C10orf90: variants seen among roughly 807,000 people sequenced by gnomAD.
The protein encoded by C10orf90 is chromosome 10 open reading frame 90.
C10orf90 carries 56 observed loss-of-function variants against 62.5 expected under a neutral mutation model. That is an observed-to-expected ratio of 0.90 (90% CI 0.72 to 1.12). C10orf90 has a LOEUF of 1.12. Ranked by LOEUF, C10orf90 falls within the 50% of genes most tolerant of loss-of-function variation. C10orf90 has a pLI of 0.00. For missense variants in C10orf90, 970 were observed against 880.4 expected, an observed-to-expected ratio of 1.10 and a Z score of -1.29; for synonymous variants, 386 against 340.4, an observed-to-expected ratio of 1.13 and a Z score of -1.47.
At chr10:126,584,026 G>A (rs1442526962) in intron 2 of C10orf90, among the ~76,000 whole-genome samples, 1 of 152,074 alleles carries the variant, frequency 6.6e-6, no homozygotes, top group East Asian at 1.9e-4. Flanking sequence ...AGGCTGAGGT[G>A]AGAAAATCAC....
At position 126,660,248 on chromosome 10, in the gene C10orf90, G is replaced by T. The variant is rs141537119; in HGVS notation, c.240+9993C>A. Among the ~76,000 whole-genome samples, 1,153 of 152,334 alleles carry T rather than the reference G, an allele frequency of 7.6e-3. 8 individuals carry two copies. The highest frequency in any genetic ancestry group is 0.014 in the Non-Finnish European group (925 of 68,034). On this transcript the variant is annotated intron_variant, in intron 1 of 9. Transcript: ENST00000488181. ...TTAAGTTACATTATATGGCAAAAGG[G>T]TTGGGTTTTACTGACATAATTAAGG...
intron 2 of C10orf90, among the ~76,000 whole-genome samples, chr10:126,596,238 G>C (rs900199828): frequency 2.0e-5 from 3 of 151,776 alleles, no homozygotes; most frequent in African/African-American, 7.3e-5. Context: ...TGGAGGTCAA[G>C]GCTACAGTGA....
chr10:126,615,078 G>C (rs995660844), intron 2 of C10orf90, among the ~76,000 whole-genome samples: 1 of 152,196 alleles, frequency 6.6e-6, no homozygotes, highest in East Asian at 1.9e-4. Context: ...AGCTCTCTTA[G>C]TGTTTTCTCA....
rs576155988 is a variant in C10orf90 at position 126,562,037 on chromosome 10, G to A, written c.314-48098C>T. Among the ~76,000 whole-genome samples, 6 of 152,282 alleles carry A rather than the reference G, an allele frequency of 3.9e-5. No individual in the cohort carries two copies. The South Asian group carries it at 1.0e-3, about 26-fold the overall frequency. ...CCTCAGCTGGAGAGTCCTGGGTGCC[G>A]CCCTCCCGCTGAAGTGCTGACAGCG... On this transcript the variant is annotated intron_variant, in intron 2 of 9. Transcript: ENST00000488181.
At position 126,609,260 on chromosome 10, in the gene C10orf90, A is replaced by C. The variant is rs189346550; in HGVS notation, c.313+37305T>G. Among the ~76,000 whole-genome samples, 554 of 152,268 alleles carry C rather than the reference A, an allele frequency of 3.6e-3. 2 individuals are homozygous for C. The highest frequency in any genetic ancestry group is 0.013 in the African/African-American group (533 of 41,546). On this transcript the variant is annotated intron_variant, in intron 2 of 9. Coordinates refer to ENST00000488181, the MANE Select transcript of C10orf90 (RefSeq NM_001350921.2). ...TCTGTTAAAAATACAAAAATTAGCC[A>C]GGCATGGTGGTGGGCATCTGTAATC...
Position 126,508,232 on chromosome 10 carries a change from C to T in C10orf90, c.406-3147G>A, listed in dbSNP as rs114654779. Among the ~76,000 whole-genome samples the T allele has an allele frequency of 9.9e-3, 1,507 of 151,466 alleles. 29 individuals carry two copies. Among genetic ancestry groups the T allele is most frequent in the African/African-American group, 0.034 (1,388 of 41,212 alleles). Reference sequence around the variant, plus strand: ...TGGTGGGGAGGACATGTTAAAAATGCAGATTTCTAGACCTCTCCTTCCTTG... The same window carrying T: ...TGGTGGGGAGGACATGTTAAAAATGTAGATTTCTAGACCTCTCCTTCCTTG... On this transcript the variant is annotated intron_variant, in intron 3 of 9. Transcript: ENST00000488181.
intron 2 of C10orf90, among the ~76,000 whole-genome samples, chr10:126,565,003 TAATA>T (rs1844296220): frequency 6.9e-5 from 1 of 14,566 alleles, no homozygotes; most frequent in Non-Finnish European, 1.4e-4. Context: ...ATATTATATA[TAATA>T]TATATAATAT....
chr10:126,580,674 A>G (rs1161503513), intron 2 of C10orf90, among the ~76,000 whole-genome samples: 1 of 147,734 alleles, frequency 6.8e-6, no homozygotes, highest in African/African-American at 2.5e-5. Flanking sequence ...AAAAGACATT[A>G]AGACAAGATG....
chr10:126,524,743 C>A, intron 2 of C10orf90: 1 of 985,442 alleles, frequency 1.0e-6, no homozygotes, highest in Non-Finnish European at 1.2e-6. Flanking sequence ...ACCTGTATGG[C>A]CCCTAGGGTG....
chr10:126,461,550 T>G lies in C10orf90; in HGVS notation c.1861A>C (p.Lys621Gln), dbSNP rs1304246699. ...GGGTCCTCACTCTTCTTACATTCCT[T>G]TATTTTTACAACCAAGTCACAGCAT... is the stretch of plus-strand genomic sequence containing the variant. ...YTCCDLVVKI[K>Q]ECKKSEDPTT... Residue 621 changes from lysine to glutamine, a missense_variant, in exon 6 of 10, where the codon AAG becomes CAG. By Grantham distance (53) the Lys-to-Gln change is moderately conservative. Coordinates refer to ENST00000488181, the MANE Select transcript of C10orf90 (RefSeq NM_001350921.2). 1 of 1,613,938 alleles carries G rather than the reference T, an allele frequency of 6.2e-7. No homozygotes were observed.
chr10:126,582,059 C>T (rs535684971), intron 2 of C10orf90, among the ~76,000 whole-genome samples: 9 of 152,304 alleles, frequency 5.9e-5, no homozygotes, highest in African/African-American at 1.2e-4. Flanking sequence ...AGCATATTCC[C>T]GGCATCCACA....
chr10:126,623,501 C>T (rs1244450694), intron 2 of C10orf90, among the ~76,000 whole-genome samples: 1 of 152,128 alleles, frequency 6.6e-6, no homozygotes, highest in Non-Finnish European at 1.5e-5. Context: ...AGCTCACCAA[C>T]ACCTGACAAT....
intron 7 of C10orf90, among the ~76,000 whole-genome samples, chr10:126,450,597 A>C (rs909348255): frequency 6.6e-6 from 1 of 152,230 alleles, no homozygotes; most frequent in Non-Finnish European, 1.5e-5. Flanking sequence ...TGGGGAGAGG[A>C]AAATCTCTTC....
intron 2 of C10orf90, among the ~76,000 whole-genome samples, chr10:126,598,015 C>T (rs1248654880): frequency 6.6e-6 from 1 of 152,176 alleles, no homozygotes; most frequent in African/African-American, 2.4e-5. Context: ...ACAAGGATAT[C>T]ATAAGACCTG....
At chr10:126,627,731 A>C (rs991444708) in intron 2 of C10orf90, among the ~76,000 whole-genome samples, 1 of 152,032 alleles carries the variant, frequency 6.6e-6, no homozygotes, top group Admixed American at 6.5e-5. Context: ...AGAAAACCCA[A>C]CTCCTAGGTA....
At chr10:126,489,991 TATATA>T in intron 4 of C10orf90, among the ~76,000 whole-genome samples, 2 of 99,428 alleles carry the variant, frequency 2.0e-5, no homozygotes, top group East Asian at 5.4e-4. Context: ...ATATATATAA[TATATA>T]TTATATATTA....
rs546084138 is a variant in C10orf90 at position 126,492,439 on chromosome 10, T to C, written c.1534+11518A>G. ...TAAGATGTAAATGTTAAGGGGAAGCTCAGTGAAGGATGTATGCATGGGAAT... is the reference window on the plus strand; with the variant it reads ...TAAGATGTAAATGTTAAGGGGAAGCCCAGTGAAGGATGTATGCATGGGAAT... On this transcript the variant is annotated intron_variant, in intron 4 of 9. Coordinates refer to ENST00000488181, the MANE Select transcript of C10orf90 (RefSeq NM_001350921.2). Among the ~76,000 whole-genome samples the C allele has an allele frequency of 2.6e-5, 4 of 152,312 alleles. No individual in the cohort carries two copies. In the South Asian group the frequency reaches 8.3e-4, roughly 32 times the overall value.
intron 3 of C10orf90, among the ~76,000 whole-genome samples, chr10:126,509,188 G>A (rs373706384): frequency 5.9e-5 from 9 of 152,298 alleles, no homozygotes; most frequent in East Asian, 3.9e-4. Flanking sequence ...ATCATGAATG[G>A]CATGAACTTC....
chr10:126,468,257 C>A (rs909349470), intron 4 of C10orf90, among the ~76,000 whole-genome samples: 3 of 151,944 alleles, frequency 2.0e-5, no homozygotes, highest in Admixed American at 2.0e-4. Context: ...TTAGTGGAGA[C>A]GAGGTTTTAC....
Sources: gnomAD v4.1 joint callset for allele counts (sites outside exome capture counted in the v4.1 genomes callset) on GRCh38, gnomAD v4.1.1 for gene constraint, MANE v1.5 for transcripts, NCBI Gene and HGNC (gene_info 2026-07-23, HGNC 2026-07-21) for gene names.